Variants in SGCZ observed in about 807,000 individuals in gnomAD.
The protein encoded by SGCZ is zeta-sarcoglycan.
SGCZ carries 40 observed loss-of-function variants against 41.3 expected under a neutral mutation model. That is an observed-to-expected ratio of 0.97 (90% CI 0.75 to 1.26). SGCZ has a LOEUF of 1.26. Among genes scored for constraint, SGCZ ranks in the 50% most tolerant of loss-of-function variants. The pLI, the probability that SGCZ is intolerant of heterozygous loss-of-function variation, is 0.00. For synonymous variants in SGCZ, 206 were observed against 137.5 expected (o/e 1.50, Z -3.49); for missense variants, 552 against 369.8 (o/e 1.49, Z -4.04).
At chr8:14,864,006 T>C (rs1023432490) in intron 1 of SGCZ, among the ~76,000 whole-genome samples, 3 of 152,100 alleles carry the variant, frequency 2.0e-5, no homozygotes, top group African/African-American at 7.2e-5. Context: ...CTCTGACAAG[T>C]TTAAAACAGA....
intron 1 of SGCZ, among the ~76,000 whole-genome samples, chr8:14,829,752 T>C (rs1378509756): frequency 6.6e-6 from 1 of 151,994 alleles, no homozygotes; most frequent in Non-Finnish European, 1.5e-5. Flanking sequence ...TATTTAAGGG[T>C]TTTTTTAAAA....
At position 14,440,852 on chromosome 8, in the gene SGCZ, T is replaced by TACAC. The variant is rs761003537; in HGVS notation, c.234+113876_234+113879dup. On this transcript the variant is annotated intron_variant, in intron 2 of 7. Coordinates refer to ENST00000382080, the MANE Select transcript of SGCZ (RefSeq NM_139167.4). ...ACATACATATATGTGTACATATATG[T>TACAC]ACACACACACACACACACACGCACA... Among the ~76,000 whole-genome samples the TACAC allele has an allele frequency of 4.5e-4, 59 of 130,434 alleles. 2 individuals carry two copies. The highest frequency in any genetic ancestry group is 1.1e-3 in the African/African-American group (39 of 34,260). 85.6% of individuals were successfully genotyped at this position (130,434 alleles called of 152,430 possible). A position where few individuals can be genotyped will look rare whatever the true frequency, so the allele number is the denominator to read the frequency against.
At chr8:15,006,024 T>C (rs911976207) in intron 1 of SGCZ, among the ~76,000 whole-genome samples, 2 of 152,234 alleles carry the variant, frequency 1.3e-5, no homozygotes, top group Non-Finnish European at 2.9e-5. Context: ...TTATTTATTT[T>C]GTCATTGACG....
At chr8:14,473,003 G>C (rs2116983198) in intron 2 of SGCZ, among the ~76,000 whole-genome samples, 1 of 152,184 alleles carries the variant, frequency 6.6e-6, no homozygotes, top group East Asian at 1.9e-4. Context: ...TAATCCAAGA[G>C]TCTTTGTAAA....
intron 1 of SGCZ, among the ~76,000 whole-genome samples, chr8:15,081,449 G>T (rs1170446611): frequency 6.7e-6 from 1 of 149,340 alleles, no homozygotes; most frequent in East Asian, 1.9e-4. Context: ...TATCAGAGAT[G>T]ACTAGTGGAG....
intron 4 of SGCZ, among the ~76,000 whole-genome samples, chr8:14,206,690 G>A (rs1231034254): frequency 6.6e-6 from 1 of 152,104 alleles, no homozygotes; most frequent in East Asian, 1.9e-4. Flanking sequence ...GTTACCTCTG[G>A]CCTGCTCTCC....
chr8:14,818,884 T>C (rs1014165365), intron 1 of SGCZ, among the ~76,000 whole-genome samples: 1 of 151,854 alleles, frequency 6.6e-6, no homozygotes, highest in Non-Finnish European at 1.5e-5. Context: ...TGGGGGCAAA[T>C]AAAGAAAGCC....
Position 15,116,656 on chromosome 8 carries a change from T to A in SGCZ, c.39+120929A>T, listed in dbSNP as rs528888427. Among the ~76,000 whole-genome samples the A allele has an allele frequency of 7.9e-5, 12 of 152,262 alleles. No homozygotes were observed. In the South Asian group the frequency reaches 1.9e-3, roughly 24 times the overall value. On this transcript the variant is annotated intron_variant, in intron 1 of 7. Coordinates refer to ENST00000382080, the MANE Select transcript of SGCZ (RefSeq NM_139167.4). ...AGTGAAATATGTATAATAAAGCACA[T>A]AGGAAAAGTGAAAGATAATGGAAAA...
At chr8:14,101,158 C>CAT (rs1220903915) in intron 7 of SGCZ, among the ~76,000 whole-genome samples, 5 of 152,014 alleles carry the variant, frequency 3.3e-5, no homozygotes, top group Non-Finnish European at 5.9e-5. Context: ...ACATTAAAAA[C>CAT]ATAATCACTA....
intron 1 of SGCZ, among the ~76,000 whole-genome samples, chr8:15,005,380 G>A (rs550083405): frequency 1.3e-3 from 178 of 137,522 alleles, no homozygotes; most frequent in African/African-American, 4.7e-3. Context: ...TGCCCAGGCT[G>A]GAGTGCAGTG....
At chr8:15,056,139 C>G (rs1419587788) in intron 1 of SGCZ, among the ~76,000 whole-genome samples, 1 of 152,118 alleles carries the variant, frequency 6.6e-6, no homozygotes, top group Non-Finnish European at 1.5e-5. Context: ...TCTCCCAGCC[C>G]CTTACTCCCA....
intron 3 of SGCZ, among the ~76,000 whole-genome samples, chr8:14,305,233 A>C (rs1801313694): frequency 6.6e-6 from 1 of 152,212 alleles, no homozygotes; most frequent in Non-Finnish European, 1.5e-5. Flanking sequence ...TGAACAACAA[A>C]ACATGAATTC....
chr8:14,346,607 C>A (rs566498886), intron 2 of SGCZ, among the ~76,000 whole-genome samples: 1 of 151,964 alleles, frequency 6.6e-6, no homozygotes, highest in East Asian at 1.9e-4. Flanking sequence ...ATCTTATATT[C>A]ATTTATCTTA....
intron 2 of SGCZ, among the ~76,000 whole-genome samples, chr8:14,355,073 C>A (rs1368647096): frequency 6.6e-6 from 1 of 151,920 alleles, no homozygotes; most frequent in South Asian, 2.1e-4. Flanking sequence ...TTTGCCCCAA[C>A]ACTATCCTTA....
At chr8:14,468,607 A>C (rs1250293796) in intron 2 of SGCZ, among the ~76,000 whole-genome samples, 2 of 152,126 alleles carry the variant, frequency 1.3e-5, no homozygotes, top group Non-Finnish European at 2.9e-5. Flanking sequence ...TTAAATTTTG[A>C]GTTAAATGAG....
intron 1 of SGCZ, among the ~76,000 whole-genome samples, chr8:14,709,669 C>T (rs1252371058): frequency 1.3e-5 from 2 of 150,884 alleles, no homozygotes; most frequent in South Asian, 4.2e-4. Context: ...AATCGAGGCC[C>T]AAATTTGCAA....
At chr8:14,924,935 G>A (rs911077561) in intron 1 of SGCZ, among the ~76,000 whole-genome samples, 3 of 143,712 alleles carry the variant, frequency 2.1e-5, no homozygotes, top group Non-Finnish European at 4.5e-5. Context: ...TCAGCTCACT[G>A]CAACCTCTGC....
At chr8:15,027,543 G>T (rs4304329) in intron 1 of SGCZ, among the ~76,000 whole-genome samples, 79,912 of 151,800 alleles carry the variant, frequency 0.53, 22,025 homozygotes, top group Non-Finnish European at 0.61. Context: ...CAGATAAGTG[G>T]CTTATCTTCT....
intron 2 of SGCZ, among the ~76,000 whole-genome samples, chr8:14,533,697 A>G (rs184539601): frequency 7.9e-5 from 12 of 152,086 alleles, no homozygotes; most frequent in Admixed American, 4.6e-4. Flanking sequence ...AGGTTTTTCT[A>G]CTTTTACATT....
Sources: gnomAD v4.1 joint callset for allele counts (sites outside exome capture counted in the v4.1 genomes callset) on GRCh38, gnomAD v4.1.1 for gene constraint, MANE v1.5 for transcripts, NCBI Gene and HGNC (gene_info 2026-07-23, HGNC 2026-07-21) for gene names.